Variants in TMEM185A observed in about 807,000 individuals in gnomAD.
The protein encoded by TMEM185A is family with sequence similarity 11, member A.
In TMEM185A, 9 loss-of-function variants were observed where a neutral mutation model predicts 25.0. The ratio of observed to expected loss-of-function variants is 0.36; its 90% CI spans 0.22 to 0.63. TMEM185A has a LOEUF of 0.63. Ranked by LOEUF, TMEM185A falls within the 20% of genes least tolerant of loss-of-function variation. The pLI, the probability that TMEM185A is intolerant of heterozygous loss-of-function variation, is 0.68. For synonymous variants in TMEM185A, 45 were observed against 93.5 expected (o/e 0.48, Z 2.99); for missense variants, 103 against 237.4 (o/e 0.43, Z 3.72).
chrX:149,603,836 C>T, intron 4 of TMEM185A, 151 bp downstream of exon 4: 1 of 420,251 alleles, frequency 2.4e-6, no homozygotes, highest in South Asian at 5.8e-5. Context: ...GACATAAAAA[C>T]ACTAACCATG....
In TMEM185A at chrX:149,631,723, TCGCCGTCGCCGTCGCCGC is replaced by T. The variant is rs2090195879; in HGVS notation, c.-161_-144del. ...GCTACTGCTGCCGTCCCCGCTGCCGTCGCCGTCGCCGTCGCCGCCGCCGCCGCCGCCGCCGCCGCCGCC... is the reference window on the plus strand; with the variant it reads ...GCTACTGCTGCCGTCCCCGCTGCCGTCGCCGCCGCCGCCGCCGCCGCCGCC... On this transcript the variant is annotated 5_prime_UTR_variant, in exon 1 of 7. Coordinates refer to ENST00000600449, the MANE Select transcript of TMEM185A (RefSeq NM_032508.4). 6.7e-6 allele frequency: 3 copies of T among 450,526 alleles called. No homozygotes were observed. The highest frequency in any genetic ancestry group is 7.8e-5 in the Admixed American group (1 of 12,752). 37.1% of individuals were successfully genotyped at this position (450,526 alleles called of 1,213,427 possible). A position where few individuals can be genotyped will look rare whatever the true frequency, so the allele number is the denominator to read the frequency against.
intron 2 of TMEM185A, among the ~76,000 whole-genome samples, chrX:149,610,039 G>A (rs1176908024): frequency 1.8e-5 from 2 of 111,394 alleles, no homozygotes; most frequent in Non-Finnish European, 3.8e-5. Context: ...ACCTGCCAAG[G>A]CTCTCTGTGT....
intron 1 of TMEM185A, among the ~76,000 whole-genome samples, chrX:149,629,633 G>T (rs1447407544): frequency 8.9e-6 from 1 of 112,374 alleles, no homozygotes; most frequent in Non-Finnish European, 1.9e-5. Context: ...AATGCAGGTA[G>T]AATTAAGAGA....
chrX:149,622,601 C>T (rs925716545), intron 1 of TMEM185A, among the ~76,000 whole-genome samples: 1 of 112,215 alleles, frequency 8.9e-6, no homozygotes, highest in African/African-American at 3.2e-5. Context: ...GGCAGCAATA[C>T]ACAATAAACA....
At chrX:149,626,750 G>A (rs782633542) in intron 1 of TMEM185A, among the ~76,000 whole-genome samples, 2 of 112,197 alleles carry the variant, frequency 1.8e-5, no homozygotes, top group Non-Finnish European at 3.8e-5. Context: ...AACAGGTGGG[G>A]AGAAGGTCAG....
chrX:149,602,839 A>G (rs1557352646), intron 4 of TMEM185A, among the ~76,000 whole-genome samples: 1 of 112,391 alleles, frequency 8.9e-6, no homozygotes, highest in Non-Finnish European at 1.9e-5. Context: ...ATTTTTTATT[A>G]TGAATGTTTT....
chrX:149,605,861 C>T (rs181230455), intron 3 of TMEM185A, among the ~76,000 whole-genome samples: 66 of 111,780 alleles, frequency 5.9e-4, no homozygotes, highest in African/African-American at 2.1e-3. Context: ...AAAGTACATT[C>T]TTGCCCACAA....
chrX:149,627,040 G>A (rs1557356108), intron 1 of TMEM185A, among the ~76,000 whole-genome samples: 2 of 111,552 alleles, frequency 1.8e-5, no homozygotes, highest in African/African-American at 6.5e-5. Context: ...TATCTCAACT[G>A]CAAAGAGGCC....
chrX:149,612,952 T>C (rs1391497229), intron 1 of TMEM185A, among the ~76,000 whole-genome samples: 1 of 112,088 alleles, frequency 8.9e-6, no homozygotes, highest in East Asian at 2.8e-4. Context: ...CTTGGGATGT[T>C]TTCTCACTAC....
intron 1 of TMEM185A, among the ~76,000 whole-genome samples, chrX:149,612,352 G>A (rs1288405524): frequency 1.8e-5 from 2 of 111,781 alleles, no homozygotes; most frequent in African/African-American, 6.5e-5. Context: ...ACTCAACCCT[G>A]TCAATAACTA....
Position 149,612,071 on chromosome X carries a change from A to G in TMEM185A, c.39-608T>C, listed in dbSNP as rs4503256. ...ACACACATGCTCACGTCTCATATAA[A>G]AGGGAATTGCTACAGAGGATGTCCT... On this transcript the variant is annotated intron_variant, in intron 1 of 6. Transcript: ENST00000600449. Among the ~76,000 whole-genome samples the G allele has an allele frequency of 6.8e-3, 770 of 112,562 alleles. 4 individuals carry two copies. The highest frequency in any genetic ancestry group is 0.024 in the African/African-American group (735 of 30,974).
At chrX:149,624,662 A>C (rs1557355856) in intron 1 of TMEM185A, among the ~76,000 whole-genome samples, 2 of 112,052 alleles carry the variant, frequency 1.8e-5, no homozygotes, top group African/African-American at 6.5e-5. Context: ...CAAACTATCA[A>C]GGGAACTGCC....
intron 1 of TMEM185A, among the ~76,000 whole-genome samples, chrX:149,612,055 C>T (rs1316621283): frequency 8.9e-6 from 1 of 112,413 alleles, no homozygotes; most frequent in Non-Finnish European, 1.9e-5. Context: ...TACACACATG[C>T]TCACGTCTCA....
intron 4 of TMEM185A, 195 bp downstream of exon 4, chrX:149,603,792 C>T: frequency 3.0e-6 from 1 of 336,767 alleles, no homozygotes; most frequent in South Asian, 1.1e-4. Context: ...AAATGGTGCA[C>T]ACAGTTATAT....
Position 149,622,133 on chromosome X carries a change from A to G in TMEM185A, c.38+9410T>C, listed in dbSNP as rs932364219. Reference sequence around the variant, plus strand: ...TCAAAAGTCGAACCAACTATCAGAAATCAGATGACAGAGGTTTAGCACGCC... The same window carrying G: ...TCAAAAGTCGAACCAACTATCAGAAGTCAGATGACAGAGGTTTAGCACGCC... On this transcript the variant is annotated intron_variant, in intron 1 of 6. Coordinates refer to ENST00000600449, the MANE Select transcript of TMEM185A (RefSeq NM_032508.4). Among the ~76,000 whole-genome samples, 6 of 112,336 alleles carry G rather than the reference A, an allele frequency of 5.3e-5. No individual in the cohort carries two copies. The Admixed American group carries it at 5.7e-4, about 11-fold the overall frequency.
At chrX:149,617,994 G>C (rs1437196520) in intron 1 of TMEM185A, among the ~76,000 whole-genome samples, 3 of 111,739 alleles carry the variant, frequency 2.7e-5, no homozygotes, top group East Asian at 2.8e-4. Flanking sequence ...CAGAAAAACA[G>C]ATCAGTGCGG....
intron 1 of TMEM185A, among the ~76,000 whole-genome samples, chrX:149,629,489 TTACCAATAA>T (rs1463455009): frequency 1.8e-5 from 2 of 111,735 alleles, no homozygotes; most frequent in African/African-American, 3.3e-5. Context: ...CAAATCTGAT[TTACCAATAA>T]TACCTGGCCA....
At chrX:149,610,392 C>T (rs915996328) in intron 2 of TMEM185A, among the ~76,000 whole-genome samples, 8 of 91,343 alleles carry the variant, frequency 8.8e-5, no homozygotes, top group Middle Eastern at 6.6e-3. Context: ...CACACCATTG[C>T]ACTCCAGCCT....
chrX:149,619,868 T>C (rs1428900303), intron 1 of TMEM185A, among the ~76,000 whole-genome samples: 1 of 112,146 alleles, frequency 8.9e-6, no homozygotes, highest in Non-Finnish European at 1.9e-5. Context: ...TTCCATGGTG[T>C]ATATGTGCCA....
Sources: gnomAD v4.1 joint callset for allele counts (sites outside exome capture counted in the v4.1 genomes callset) on GRCh38, gnomAD v4.1.1 for gene constraint, MANE v1.5 for transcripts, NCBI Gene and HGNC (gene_info 2026-07-23, HGNC 2026-07-21) for gene names.